SUCLG2: variants seen among roughly 807,000 people sequenced by gnomAD.
The protein encoded by SUCLG2 is succinate-CoA ligase GDP-forming subunit beta, also known as succinate--CoA ligase [GDP-forming] subunit beta, mitochondrial.
A neutral mutation model predicts 47.9 loss-of-function variants in SUCLG2; 42 were observed. The ratio of observed to expected loss-of-function variants is 0.88; its 90% CI spans 0.69 to 1.14. SUCLG2 has a LOEUF of 1.14. Among genes scored for constraint, SUCLG2 ranks in the 50% most tolerant of loss-of-function variants. SUCLG2 has a pLI of 0.00. For missense variants in SUCLG2, 571 were observed against 525.9 expected, an observed-to-expected ratio of 1.09 and a Z score of -0.84; for synonymous variants, 195 against 197.3, an observed-to-expected ratio of 0.99 and a Z score of 0.10.
At chr3:67,612,119 G>A (rs114280635) in intron 1 of SUCLG2, among the ~76,000 whole-genome samples, 1,842 of 152,294 alleles carry the variant, frequency 0.012, 48 homozygotes, top group African/African-American at 0.041. Flanking sequence ...AACATCTTGA[G>A]AGGCGGAGGC....
chr3:67,436,429 T>C (rs1575694090), intron 9 of SUCLG2, among the ~76,000 whole-genome samples: 5 of 151,962 alleles, frequency 3.3e-5, no homozygotes, highest in Admixed American at 2.6e-4. Context: ...GGAGGGAGGG[T>C]AAACCAACAT....
intron 2 of SUCLG2, among the ~76,000 whole-genome samples, chr3:67,557,432 G>T (rs1336829861): frequency 6.6e-6 from 1 of 152,122 alleles, no homozygotes; most frequent in African/African-American, 2.4e-5. Flanking sequence ...AAAACAGCCA[G>T]TGCCCTCACT....
chr3:67,654,466 C>G, intron 1 of SUCLG2, 37 bp downstream of exon 1: 1 of 1,227,794 alleles, frequency 8.1e-7, no homozygotes, highest in Admixed American at 4.2e-5. Context: ...AGGCCGGCGC[C>G]GCTGCTGGCG....
intron 9 of SUCLG2, among the ~76,000 whole-genome samples, chr3:67,428,985 T>A (rs972204651): frequency 1.7e-4 from 26 of 152,312 alleles, no homozygotes; most frequent in African/African-American, 6.0e-4. Flanking sequence ...TTGGTGTACC[T>A]GAAAGTGACA....
At chr3:67,423,266 G>A (rs1703215862) in intron 9 of SUCLG2, among the ~76,000 whole-genome samples, 2 of 152,146 alleles carry the variant, frequency 1.3e-5, no homozygotes. Flanking sequence ...CCACCACCCT[G>A]TGAAGAGGTG....
chr3:67,404,461 C>T (rs557667812), intron 9 of SUCLG2, among the ~76,000 whole-genome samples: 1 of 148,224 alleles, frequency 6.7e-6, no homozygotes, highest in Non-Finnish European at 1.5e-5. Flanking sequence ...AAGACAGGAA[C>T]AGAAAGAGTA....
intron 9 of SUCLG2, among the ~76,000 whole-genome samples, chr3:67,478,279 A>G (rs1704819754): frequency 6.6e-6 from 1 of 152,248 alleles, no homozygotes; most frequent in East Asian, 1.9e-4. Context: ...ACTGCTGAGC[A>G]CTTCACGTGT....
chr3:67,650,506 C>T (rs1701267339), intron 1 of SUCLG2, among the ~76,000 whole-genome samples: 1 of 152,138 alleles, frequency 6.6e-6, no homozygotes. Flanking sequence ...TCTGTAATCC[C>T]AACACTTTGG....
chr3:67,504,824 A>AAATGAATG (rs1375390367), intron 7 of SUCLG2, among the ~76,000 whole-genome samples: 1 of 152,250 alleles, frequency 6.6e-6, no homozygotes, highest in African/African-American at 2.4e-5. Flanking sequence ...GTGGCTAGCA[A>AAATGAATG]AATGAATGAA....
At chr3:67,414,543 T>C (rs1702995799) in intron 9 of SUCLG2, among the ~76,000 whole-genome samples, 1 of 152,224 alleles carries the variant, frequency 6.6e-6, no homozygotes, top group South Asian at 2.1e-4. Flanking sequence ...AGCAAGGACA[T>C]GCCTTTTCAA....
At chr3:67,522,291 C>CA (rs1706129447) in intron 4 of SUCLG2, among the ~76,000 whole-genome samples, 1 of 151,968 alleles carries the variant, frequency 6.6e-6, no homozygotes, top group African/African-American at 2.4e-5. Flanking sequence ...GCAATACACT[C>CA]GCCTAAGATT....
At chr3:67,444,101 AGGGAGGTGGG>A in intron 9 of SUCLG2, among the ~76,000 whole-genome samples, 1 of 90,788 alleles carries the variant, frequency 1.1e-5, no homozygotes, top group African/African-American at 3.8e-5. Context: ...GCCGTCCGGG[AGGGAGGTGGG>A]GGGGTCAGCC....
At chr3:67,471,052 T>C (rs1044580503) in intron 9 of SUCLG2, among the ~76,000 whole-genome samples, 5 of 152,156 alleles carry the variant, frequency 3.3e-5, no homozygotes, top group Non-Finnish European at 7.3e-5. Context: ...AGAGAAAAAC[T>C]TGGAGAAGAT....
chr3:67,613,299 T>C (rs1700565415), intron 1 of SUCLG2, among the ~76,000 whole-genome samples: 1 of 152,124 alleles, frequency 6.6e-6, no homozygotes, highest in Non-Finnish European at 1.5e-5. Flanking sequence ...ACTAGTCATC[T>C]CATTAGGGTA....
chr3:67,372,092 C>T (rs1052931720), downstream of SUCLG2, among the ~76,000 whole-genome samples: 2 of 152,190 alleles, frequency 1.3e-5, no homozygotes, highest in African/African-American at 2.4e-5. Context: ...CAATGTGTGG[C>T]TGTCAATTAA....
intron 9 of SUCLG2, among the ~76,000 whole-genome samples, chr3:67,458,664 G>T (rs1258141868): frequency 6.6e-6 from 1 of 152,028 alleles, no homozygotes; most frequent in African/African-American, 2.4e-5. Flanking sequence ...AGCAAAGGTC[G>T]GAGGGGAAAA....
At chr3:67,519,178 T>A (rs1706030205) in intron 5 of SUCLG2, among the ~76,000 whole-genome samples, 1 of 152,136 alleles carries the variant, frequency 6.6e-6, no homozygotes. Context: ...ATCCCAAATC[T>A]GTACATGTTA....
At chr3:67,517,566 G>A (rs1705978410) in intron 6 of SUCLG2, among the ~76,000 whole-genome samples, 1 of 152,140 alleles carries the variant, frequency 6.6e-6, no homozygotes, top group African/African-American at 2.4e-5. Flanking sequence ...GCCATGGGCT[G>A]GAACAAAGGC....
At chr3:67,524,794 G>C (rs890005797) in intron 4 of SUCLG2, among the ~76,000 whole-genome samples, 1 of 151,956 alleles carries the variant, frequency 6.6e-6, no homozygotes, top group African/African-American at 2.4e-5. Context: ...TAGGGAGCTT[G>C]AGGTCCAAGG....
Sources: allele counts gnomAD v4.1 joint callset (sites outside exome capture counted in the v4.1 genomes callset), GRCh38; gene constraint gnomAD v4.1.1; transcripts MANE v1.5; gene names NCBI Gene and HGNC (gene_info 2026-07-23, HGNC 2026-07-21).